Variants in TMC5 observed in about 807,000 individuals in gnomAD.
The protein encoded by TMC5 is transmembrane channel like 5.
Under a neutral mutation model 110.5 loss-of-function variants are expected in TMC5, and 86 were observed. That is an observed-to-expected ratio of 0.78 (90% CI 0.65 to 0.93). The LOEUF is 0.93. TMC5 is among the 40% of genes least tolerant of loss of function. The probability of loss-of-function intolerance (pLI) is 0.00; values close to 1 mark genes in which losing one functional copy is unlikely to be tolerated. For missense variants in TMC5, 1,144 were observed against 1,222.8 expected (o/e 0.94, Z 0.96); for synonymous variants, 455 against 439.5 (o/e 1.04, Z -0.44).
intron 4 of TMC5, among the ~76,000 whole-genome samples, chr16:19,447,462 TC>T (rs1030631469): frequency 1.3e-5 from 2 of 152,220 alleles, no homozygotes; most frequent in African/African-American, 4.8e-5. Flanking sequence ...TAACAATTAA[TC>T]TACTATAACA....
intron 15 of TMC5, among the ~76,000 whole-genome samples, chr16:19,484,270 G>A (rs1968685292): frequency 1.3e-5 from 2 of 152,114 alleles, no homozygotes; most frequent in African/African-American, 2.4e-5. Context: ...TTATTTTTTA[G>A]AGACAGTGAG....
intron 2 of TMC5, among the ~76,000 whole-genome samples, chr16:19,438,379 T>A: frequency 1.4e-5 from 1 of 70,246 alleles, no homozygotes; most frequent in Non-Finnish European, 2.5e-5. Flanking sequence ...GGTGACAGAG[T>A]GACACCCTGT....
At chr16:19,459,872 T>G (rs1332943340) in intron 5 of TMC5, among the ~76,000 whole-genome samples, 5 of 142,546 alleles carry the variant, frequency 3.5e-5, no homozygotes, top group African/African-American at 1.3e-4. Context: ...GGGCTGTGAT[T>G]GTGCCACTGC....
chr16:19,452,268 G>A (rs535186355), intron 5 of TMC5, among the ~76,000 whole-genome samples: 3 of 152,198 alleles, frequency 2.0e-5, no homozygotes, highest in Non-Finnish European at 4.4e-5. Context: ...GTGAGGTATA[G>A]GGGAAGGGAC....
intron 18 of TMC5, among the ~76,000 whole-genome samples, chr16:19,491,487 G>C (rs1212952377): frequency 6.6e-6 from 1 of 151,702 alleles, no homozygotes; most frequent in Non-Finnish European, 1.5e-5. Flanking sequence ...CCCCATCACT[G>C]GGGGAAGGGG....
chr16:19,437,503 G>A (rs186366409), intron 2 of TMC5, among the ~76,000 whole-genome samples: 157 of 152,286 alleles, frequency 1.0e-3, no homozygotes, highest in Non-Finnish European at 1.5e-3. Flanking sequence ...GTTGGCACAC[G>A]GACATTCTGA....
chr16:19,460,079 ATG>A (rs1967982859), intron 5 of TMC5, among the ~76,000 whole-genome samples, 154 bp from the exon 6 acceptor site: 1 of 149,360 alleles, frequency 6.7e-6, no homozygotes, highest in Admixed American at 6.6e-5. Context: ...TAACACATAT[ATG>A]TGTTTTTTTT....
intron 3 of TMC5, 50 bp from the exon 4 acceptor site, chr16:19,444,031 A>G (rs1343979749): frequency 1.3e-6 from 2 of 1,502,992 alleles, no homozygotes; most frequent in Non-Finnish European, 9.0e-7. Context: ...ATGGATGACA[A>G]TCCTTACTAT....
chr16:19,464,254 G>A lies in TMC5; in HGVS notation c.1485+230G>A, dbSNP rs940225529. Among the ~76,000 whole-genome samples, 8 of 152,064 alleles carry A rather than the reference G, an allele frequency of 5.3e-5. No homozygotes were observed. In the East Asian group the frequency reaches 9.7e-4, roughly 18 times the overall value. On this transcript the variant is annotated intron_variant, in intron 8 of 21. Transcript: ENST00000542583. ...AGCCTGGGCAACATGGCAAAACCCC[G>A]TCTCTACAAAAATGCAAAAATTAGC... is the stretch of plus-strand genomic sequence containing the variant.
intron 8 of TMC5, among the ~76,000 whole-genome samples, chr16:19,464,766 G>A (rs1016426182): frequency 2.7e-5 from 4 of 150,412 alleles, no homozygotes; most frequent in African/African-American, 9.8e-5. Flanking sequence ...TCCTACTATA[G>A]AAGAAAACTA....
At chr16:19,411,608 A>G (rs1966855910) in intron 1 of TMC5, 1 of 152,190 alleles carries the variant, frequency 6.6e-6, no homozygotes, top group Non-Finnish European at 1.5e-5. Flanking sequence ...CACTTCTGGG[A>G]TCCTTTTCCC....
chr16:19,497,123 A>G lies in TMC5; in HGVS notation c.2934A>G (p.Gln978=), dbSNP rs1232281114. The G allele has an allele frequency of 6.2e-7, 1 of 1,613,928 alleles. No homozygotes were observed. The highest frequency in any genetic ancestry group is 1.3e-5 in the African/African-American group (1 of 74,914). The part of the protein sequence containing the change: ...SLVLERREVE[Q]QGFLHLGEHD... ...CTGCTTGTTTTTTTCTTTTTCAGCA[A>G]CAAGGCTTTTTGCATTTGGGGGAAC... The change falls in exon 21 of 22, where the codon CAA becomes CAG. Residue 978 remains glutamine, a splice_region_variant and synonymous_variant. Coordinates refer to ENST00000542583, the MANE Select transcript of TMC5 (RefSeq NM_001261841.2).
chr16:19,421,409 G>A (rs1265022116), intron 1 of TMC5, among the ~76,000 whole-genome samples: 1 of 151,994 alleles, frequency 6.6e-6, no homozygotes, highest in East Asian at 1.9e-4. Context: ...GAGATCTGAC[G>A]GTTTTATAAA....
Position 19,452,293 on chromosome 16 carries a change from C to T in TMC5, c.1048+2662C>T, listed in dbSNP as rs559692895. Among the ~76,000 whole-genome samples, 9 of 152,326 alleles carry T rather than the reference C, an allele frequency of 5.9e-5. No homozygotes were observed. In the East Asian group the frequency reaches 7.7e-4, roughly 13 times the overall value. Reference sequence around the variant, plus strand: ...GGGGAAGGGACACAGAGCTTCCATGCCCTCCCTGGGTGAGCCACCCTCCAG... The same window carrying T: ...GGGGAAGGGACACAGAGCTTCCATGTCCTCCCTGGGTGAGCCACCCTCCAG... On this transcript the variant is annotated intron_variant, in intron 5 of 21. Transcript: ENST00000542583.
upstream of TMC5, among the ~76,000 whole-genome samples, chr16:19,415,626 G>A (rs532144109): frequency 6.6e-6 from 1 of 152,290 alleles, no homozygotes; most frequent in South Asian, 2.1e-4. Context: ...CTTCTTGCCA[G>A]GAGCTCGTTT....
intron 15 of TMC5, among the ~76,000 whole-genome samples, chr16:19,486,184 TAAAC>T (rs1298968690): frequency 6.6e-6 from 1 of 152,154 alleles, no homozygotes; most frequent in Non-Finnish European, 1.5e-5. Context: ...CTGAGTGCCT[TAAAC>T]AACATCAATT....
intron 5 of TMC5, among the ~76,000 whole-genome samples, chr16:19,455,149 T>A (rs559615246): frequency 6.6e-6 from 1 of 151,462 alleles, no homozygotes; most frequent in East Asian, 2.0e-4. Flanking sequence ...AAAAAAAGTT[T>A]AAAAATTTGT....
Position 19,436,029 on chromosome 16 carries a change from A to C in TMC5, c.-79-3931A>C, listed in dbSNP as rs529706760. The stretch of plus-strand genomic sequence containing the variant: ...GTAATCCTAGCACTTTGGGAGGCCG[A>C]GGTAGGTGTTTCACCTGAGGTCAGG... On this transcript the variant is annotated intron_variant, in intron 2 of 21. Transcript: ENST00000542583. Among the ~76,000 whole-genome samples the C allele has an allele frequency of 2.0e-5, 3 of 152,200 alleles. No individual in the cohort carries two copies. The South Asian group carries it at 6.2e-4, about 32-fold the overall frequency.
chr16:19,417,534 C>T (rs1180724961), upstream of TMC5, among the ~76,000 whole-genome samples: 2 of 150,518 alleles, frequency 1.3e-5, no homozygotes, highest in African/African-American at 4.9e-5. Flanking sequence ...CCACCTCACA[C>T]TCTAGGGTTA....
Sources: gnomAD v4.1 joint callset for allele counts (sites outside exome capture counted in the v4.1 genomes callset) on GRCh38, gnomAD v4.1.1 for gene constraint, MANE v1.5 for transcripts, NCBI Gene and HGNC (gene_info 2026-07-23, HGNC 2026-07-21) for gene names.